Variants in FRMD4A observed in about 807,000 individuals in gnomAD.
FRMD4A encodes FERM domain-containing protein 4A.
FRMD4A carries 29 observed loss-of-function variants against 129.1 expected under a neutral mutation model. The observed-to-expected ratio is 0.22, with a 90% CI of 0.17 to 0.31. The LOEUF is 0.31. Among genes scored for constraint, FRMD4A ranks in the 10% least tolerant of loss-of-function variants. The pLI, the probability that FRMD4A is intolerant of heterozygous loss-of-function variation, is 1.00. For missense variants in FRMD4A, 1,272 were observed against 1,375.8 expected, an observed-to-expected ratio of 0.92 and a Z score of 1.19; for synonymous variants, 634 against 571.6, an observed-to-expected ratio of 1.11 and a Z score of -1.56.
chr10:14,151,801 T>C (rs1043581955), intron 2 of FRMD4A, among the ~76,000 whole-genome samples: 5 of 152,220 alleles, frequency 3.3e-5, no homozygotes, highest in African/African-American at 1.2e-4. Context: ...TTTAACTAAT[T>C]TATTTTCTCC....
chr10:13,744,666 G>T (rs557915411), intron 9 of FRMD4A: 1 of 152,308 alleles, frequency 6.6e-6, no homozygotes, highest in South Asian at 2.1e-4. Context: ...GAACTCCAGC[G>T]GGGGCAGGAA....
intron 2 of FRMD4A, among the ~76,000 whole-genome samples, chr10:14,243,809 G>C (rs1844136554): frequency 7.1e-6 from 1 of 140,858 alleles, no homozygotes; most frequent in African/African-American, 2.7e-5. Flanking sequence ...ATGACACTTT[G>C]TTATGTATAT....
chr10:13,845,763 C>A (rs969966430), intron 3 of FRMD4A, among the ~76,000 whole-genome samples: 23 of 152,146 alleles, frequency 1.5e-4, no homozygotes, highest in African/African-American at 5.6e-4. Flanking sequence ...AAAATTAGAG[C>A]AGCAAGACAG....
intron 2 of FRMD4A, among the ~76,000 whole-genome samples, chr10:14,189,189 C>A (rs569466950): frequency 1.3e-5 from 2 of 152,260 alleles, no homozygotes; most frequent in African/African-American, 4.8e-5. Flanking sequence ...CCCTTAGCTC[C>A]AAACATGCCT....
Position 14,066,008 on chromosome 10 carries a change from T to TTGTGTGTGTGTGTGTGTGTG in FRMD4A, c.46-207116_46-207097dup, listed in dbSNP as rs61167438. On this transcript the variant is annotated intron_variant, in intron 2 of 24. Transcript: ENST00000357447. ...GGAAGTATGAAGTGGGGGTATGTAT[T>TTGTGTGTGTGTGTGTGTGTG]TGTGTGTGTGTGTGTGTGTGTGTGT... 1.9e-3 allele frequency among the ~76,000 whole-genome samples: 260 copies of TTGTGTGTGTGTGTGTGTGTG among 139,214 alleles called. 1 individual carries two copies. The highest frequency in any genetic ancestry group is 6.3e-3 in the African/African-American group (234 of 37,432). The allele number at this position is 139,214 out of a possible 152,430, so 91.3% of individuals were successfully genotyped here.
intron 6 of FRMD4A, among the ~76,000 whole-genome samples, chr10:13,770,046 G>A (rs2092412331): frequency 6.6e-6 from 1 of 152,034 alleles, no homozygotes; most frequent in Admixed American, 6.6e-5. Flanking sequence ...ATATCCTATC[G>A]GTTCTGTCCC....
intron 2 of FRMD4A, among the ~76,000 whole-genome samples, chr10:14,102,219 C>A (rs1837342888): frequency 6.6e-6 from 1 of 152,158 alleles, no homozygotes; most frequent in Non-Finnish European, 1.5e-5. Flanking sequence ...CAGCATGCAG[C>A]TTAATCACAT....
At position 13,717,905 on chromosome 10, in the gene FRMD4A, A is replaced by T. The variant is rs3814665; in HGVS notation, c.760-10792T>A. Reference sequence around the variant, plus strand: ...GGAAATACAGGCATACACTCACAAGAAACACCGTGCTTTATCACCCATAAC... The same window carrying T: ...GGAAATACAGGCATACACTCACAAGTAACACCGTGCTTTATCACCCATAAC... On this transcript the variant is annotated intron_variant, in intron 12 of 24. Transcript: ENST00000357447. Among the ~76,000 whole-genome samples, 1,738 of 152,230 alleles carry T rather than the reference A, an allele frequency of 0.011. 71 individuals carry two copies. The South Asian group carries it at 0.11, about 10-fold the overall frequency.
In FRMD4A at chr10:13,675,030, C is replaced by G; in HGVS notation, c.1132G>C (p.Asp378His). 1.2e-6 allele frequency: 2 copies of G among 1,613,236 alleles called. No homozygotes were observed. Among genetic ancestry groups the G allele is most frequent in the Non-Finnish European group, 1.7e-6 (2 of 1,179,984 alleles). The change falls in exon 16 of 25, where the codon GAT (aspartate) becomes CAT (histidine). Residue 378 changes from aspartate (D) to histidine (H), a missense_variant. This residue lies in a region of FRMD4A where 300 missense variants were observed against 483.6 expected (regional missense o/e 0.62). Transcript: ENST00000357447. ...SLLSSGSQES[D>H]SSQSAKKDML... ...TCCTTCTTGGCCGACTGCGAGCTAT[C>G]TGATTCCTGAGAACCTGTCGATAAA...
intron 2 of FRMD4A, among the ~76,000 whole-genome samples, chr10:14,161,851 AC>A (rs1840902734): frequency 6.6e-6 from 1 of 152,068 alleles, no homozygotes; most frequent in Non-Finnish European, 1.5e-5. Flanking sequence ...AAGGTGATGG[AC>A]CCCCTAAAAG....
intron 14 of FRMD4A, among the ~76,000 whole-genome samples, chr10:13,698,928 G>A (rs1330680716): frequency 1.3e-5 from 2 of 152,118 alleles, no homozygotes; most frequent in East Asian, 3.9e-4. Flanking sequence ...CTGGGAGCGT[G>A]GGCATTTTCT....
In FRMD4A at chr10:14,030,554, G is replaced by A. The variant is rs1464113088; in HGVS notation, c.46-171642C>T. Reference sequence around the variant, plus strand: ...ACAAAGAGAGAGGATTTTAAAGATTGTTTGTTTGTTTAAGTAAAACAAGCC... The same window carrying A: ...ACAAAGAGAGAGGATTTTAAAGATTATTTGTTTGTTTAAGTAAAACAAGCC... On this transcript the variant is annotated intron_variant, in intron 2 of 24. Coordinates refer to ENST00000357447, the MANE Select transcript of FRMD4A (RefSeq NM_018027.5). Among the ~76,000 whole-genome samples, 3 of 152,196 alleles carry A rather than the reference G, an allele frequency of 2.0e-5. No individual in the cohort carries two copies. The South Asian group carries it at 6.2e-4, about 32-fold the overall frequency.
At chr10:13,703,534 G>A (rs546333477) in intron 13 of FRMD4A, among the ~76,000 whole-genome samples, 106 of 152,234 alleles carry the variant, frequency 7.0e-4, no homozygotes, top group African/African-American at 1.9e-3. Flanking sequence ...TTAAATGACC[G>A]TATCTGGCGT....
chr10:13,683,952 T>G (rs1473397247), intron 15 of FRMD4A: 6 of 152,110 alleles, frequency 3.9e-5, no homozygotes, highest in African/African-American at 1.4e-4. Flanking sequence ...TCAAGTGATC[T>G]GCCCGCCTTG....
At chr10:14,268,757 T>G (rs79563336) in intron 2 of FRMD4A, among the ~76,000 whole-genome samples, 1 of 152,334 alleles carries the variant, frequency 6.6e-6, no homozygotes, top group East Asian at 1.9e-4. Flanking sequence ...AGAAGCAATG[T>G]TCTTCCTGGG....
chr10:14,238,116 A>G (rs1253660548), intron 2 of FRMD4A, among the ~76,000 whole-genome samples: 1 of 152,198 alleles, frequency 6.6e-6, no homozygotes, highest in Non-Finnish European at 1.5e-5. Flanking sequence ...TTGACAGAAC[A>G]ACAAGGCACC....
intron 2 of FRMD4A, among the ~76,000 whole-genome samples, chr10:14,290,189 A>C (rs1172346289): frequency 6.6e-6 from 1 of 152,104 alleles, no homozygotes; most frequent in Non-Finnish European, 1.5e-5. Context: ...AATCCCTATC[A>C]AAATCCTAAT....
chr10:14,316,714 A>G (rs1157807105), intron 2 of FRMD4A, among the ~76,000 whole-genome samples: 3 of 152,310 alleles, frequency 2.0e-5, no homozygotes, highest in South Asian at 4.1e-4. Context: ...TGCTGCAGGC[A>G]GCAATCTGGT....
intron 3 of FRMD4A, among the ~76,000 whole-genome samples, chr10:13,842,667 CT>C: frequency 6.6e-6 from 1 of 152,120 alleles, no homozygotes. Flanking sequence ...GGTATATTTT[CT>C]GTTGGTCAGC....
Sources: allele counts gnomAD v4.1 joint callset (sites outside exome capture counted in the v4.1 genomes callset), GRCh38; gene constraint gnomAD v4.1.1; regional missense constraint gnomAD v4.1.1; transcripts MANE v1.5; gene names NCBI Gene and HGNC (gene_info 2026-07-23, HGNC 2026-07-21).